Variants in MORN4 observed in about 807,000 individuals in gnomAD.
The protein encoded by MORN4 is MORN repeat containing 4, also known as MORN repeat-containing protein 4.
Under a neutral mutation model 16.4 loss-of-function variants are expected in MORN4, and 8 were observed. That is an observed-to-expected ratio of 0.49 (90% CI 0.29 to 0.88). MORN4 has a LOEUF of 0.88. MORN4 is among the 40% of genes least tolerant of loss of function. The pLI, the probability that MORN4 is intolerant of heterozygous loss-of-function variation, is 0.09. For synonymous variants in MORN4, 53 were observed against 68.9 expected, an observed-to-expected ratio of 0.77 and a Z score of 1.14; for missense variants, 159 against 182.9, an observed-to-expected ratio of 0.87 and a Z score of 0.75.
At chr10:97,628,341 G>A (rs1009437396) in intron 1 of MORN4, among the ~76,000 whole-genome samples, 1 of 152,156 alleles carries the variant, frequency 6.6e-6, no homozygotes, top group African/African-American at 2.4e-5. Flanking sequence ...ACTACACAGG[G>A]ACTCAGGGAA....
chr10:97,628,562 C>G (rs1247495786), intron 1 of MORN4, among the ~76,000 whole-genome samples: 1 of 150,614 alleles, frequency 6.6e-6, no homozygotes, highest in African/African-American at 2.4e-5. Context: ...GAGACACAGT[C>G]TCACTGTGTC....
intron 2 of MORN4, chr10:97,619,296 G>C (rs1214831507): frequency 1.9e-6 from 1 of 530,530 alleles, no homozygotes; most frequent in Non-Finnish European, 3.4e-6. Flanking sequence ...CTGCACTCCA[G>C]CCTAGGCAAC....
chr10:97,626,000 A>G (rs1225900256), intron 1 of MORN4, among the ~76,000 whole-genome samples: 3 of 151,356 alleles, frequency 2.0e-5, no homozygotes, highest in Non-Finnish European at 1.5e-5. Flanking sequence ...GCCTCAAGCA[A>G]TCTCTGGCCT....
chr10:97,619,424 C>T (rs1012963964), intron 2 of MORN4, 163 bp downstream of exon 2: 1 of 636,330 alleles, frequency 1.6e-6, no homozygotes, highest in South Asian at 1.9e-5. Flanking sequence ...TTTCAAATTC[C>T]TTTATTTAAT....
chr10:97,617,125 T>C (rs1458580629), intron 3 of MORN4, 83 bp downstream of exon 3: 7 of 1,040,944 alleles, frequency 6.7e-6, no homozygotes, highest in Admixed American at 3.4e-5. Context: ...AAGGTCAGGA[T>C]TGACCAGATA....
rs1358962792 is a variant in MORN4 at position 97,617,323 on chromosome 10, C to T, written c.68-1G>A. 1 of 1,613,692 alleles carries T rather than the reference C, an allele frequency of 6.2e-7. No homozygotes were observed. The highest frequency in any genetic ancestry group is 8.5e-7 in the Non-Finnish European group (1 of 1,179,732). On this transcript the variant is annotated splice_acceptor_variant, in intron 2 of 4. Transcript: ENST00000307450. LOFTEE classifies it high-confidence loss of function. ...AGTTGACCAAAACCATGCCTGCGGC[C>T]TGAACAAAGAGAAGGATAGGTGTCA...
upstream of MORN4, among the ~76,000 whole-genome samples, chr10:97,633,760 CATCAA>C (rs2041418592): frequency 6.6e-6 from 1 of 152,188 alleles, no homozygotes; most frequent in Non-Finnish European, 1.5e-5. The surrounding 1 kb of genome is among the most constrained non-coding windows in gnomAD (Gnocchi z 4.5). Context: ...CAACAGTGAC[CATCAA>C]CGCGAGCGGC....
chr10:97,616,518 C>G (rs2041237727), intron 4 of MORN4, 107 bp from the exon 5 acceptor site: 1 of 1,359,390 alleles, frequency 7.4e-7, no homozygotes, highest in South Asian at 1.4e-5. Context: ...AGAAAAACTC[C>G]CAGCTCTACT....
At chr10:97,620,101 A>G (rs2041275102) in intron 1 of MORN4, among the ~76,000 whole-genome samples, 1 of 152,060 alleles carries the variant, frequency 6.6e-6, no homozygotes, top group Admixed American at 6.6e-5. Flanking sequence ...GCCAACTTGG[A>G]TGGCAGAGAT....
Position 97,628,526 on chromosome 10 carries a change from CT to C in MORN4, c.-31+4820del, listed in dbSNP as rs527542591. Among the ~76,000 whole-genome samples the C allele has an allele frequency of 5.1e-4, 78 of 151,492 alleles. No homozygotes were observed. In the East Asian group the frequency reaches 8.9e-3, roughly 17 times the overall value. On this transcript the variant is annotated intron_variant, in intron 1 of 4. Transcript: ENST00000307450. ...AGTTTTCAAGTGGTACACCTAACCA[CT>C]TTTTTTCTTTCTTTTTTTTTTTTTG...
At chr10:97,630,908 G>A (rs1247320743) in intron 1 of MORN4, among the ~76,000 whole-genome samples, 1 of 152,032 alleles carries the variant, frequency 6.6e-6, no homozygotes, top group Non-Finnish European at 1.5e-5. Flanking sequence ...CTGGAGTGCA[G>A]TGGCGTCATC....
chr10:97,626,435 T>C (rs555648547), intron 1 of MORN4, among the ~76,000 whole-genome samples: 3 of 148,936 alleles, frequency 2.0e-5, no homozygotes, highest in Non-Finnish European at 3.0e-5. Context: ...AATCATAATA[T>C]GTTCTGATGC....
chr10:97,631,998 G>C (rs775057714), intron 1 of MORN4, among the ~76,000 whole-genome samples: 22 of 152,004 alleles, frequency 1.4e-4, no homozygotes, highest in Admixed American at 6.6e-4. Context: ...GGGAGATCCA[G>C]TTAGAGAATA....
In MORN4 at chr10:97,629,916, G is replaced by A. The variant is rs1472814049; in HGVS notation, c.-31+3431C>T. The stretch of plus-strand genomic sequence containing the variant: ...TGGGACTACAGGTGCTCGCCACCAC[G>A]CCCAGCTAATTTTTTTTTTTTTTTT... On this transcript the variant is annotated intron_variant, in intron 1 of 4. Coordinates refer to ENST00000307450, the MANE Select transcript of MORN4 (RefSeq NM_178832.4). Among the ~76,000 whole-genome samples, 13 of 148,552 alleles carry A rather than the reference G, an allele frequency of 8.8e-5. No homozygotes were observed. The East Asian group carries it at 1.2e-3, about 14-fold the overall frequency.
chr10:97,625,225 C>G (rs2041336795), intron 1 of MORN4, among the ~76,000 whole-genome samples: 1 of 152,202 alleles, frequency 6.6e-6, no homozygotes, highest in South Asian at 2.1e-4. Flanking sequence ...TTATACCATA[C>G]TATCCTATCT....
In MORN4 at chr10:97,619,531, T is replaced by G. The variant is rs773637859; in HGVS notation, c.67+56A>C. 1.1e-5 allele frequency: 14 copies of G among 1,304,460 alleles called. No individual in the cohort carries two copies. In the South Asian group the frequency reaches 1.5e-4, roughly 14 times the overall value. The allele number at this position is 1,304,460 out of a possible 1,614,324, so 80.8% of individuals were successfully genotyped here. A position where few individuals can be genotyped will look rare whatever the true frequency, so the allele number is the denominator to read the frequency against. On this transcript the variant is annotated intron_variant, in intron 2 of 4. Transcript: ENST00000307450. The stretch of plus-strand genomic sequence containing the variant: ...AAGTTGGCTATATATCCTGATGTAT[T>G]TGTCCTCCAGCAAATGAAGTGTTCA...
At chr10:97,620,488 CAAAAAAAAAA>C (rs1210683127) in intron 1 of MORN4, among the ~76,000 whole-genome samples, 1 of 41,214 alleles carries the variant, frequency 2.4e-5, no homozygotes, top group Non-Finnish European at 4.5e-5. Flanking sequence ...GACTCTGTCT[CAAAAAAAAAA>C]AAAAAAAAAG....
intron 1 of MORN4, among the ~76,000 whole-genome samples, chr10:97,621,313 A>G (rs1478928809): frequency 7.2e-5 from 11 of 152,134 alleles, no homozygotes; most frequent in Admixed American, 7.2e-4. Flanking sequence ...TAACTTAAAG[A>G]GACCTTTGAA....
chr10:97,622,706 A>C (rs1210005811), intron 1 of MORN4, among the ~76,000 whole-genome samples: 1 of 151,136 alleles, frequency 6.6e-6, no homozygotes, highest in East Asian at 1.9e-4. Context: ...AAAAAAAAAA[A>C]AAAACGGAAG....
Sources: gnomAD v4.1 joint callset for allele counts (sites outside exome capture counted in the v4.1 genomes callset) on GRCh38, gnomAD v4.1.1 for gene constraint, Gnocchi (gnomAD v3.1) non-coding constraint, MANE v1.5 for transcripts, NCBI Gene and HGNC (gene_info 2026-07-23, HGNC 2026-07-21) for gene names.